ABR: variants seen among roughly 807,000 people sequenced by gnomAD.
ABR encodes the protein ABR activator of RhoGEF and GTPase, also known as active breakpoint cluster region-related protein.
Under a neutral mutation model 107.2 loss-of-function variants are expected in ABR, and 35 were observed. That is an observed-to-expected ratio of 0.33 (90% CI 0.25 to 0.43). ABR has a LOEUF of 0.43. ABR is among the 20% of genes least tolerant of loss of function. The pLI is 1.00. For missense variants in ABR, 815 were observed against 1,115.2 expected (o/e 0.73, Z 3.83); for synonymous variants, 498 against 462.0 (o/e 1.08, Z -1.00).
chr17:1,011,710 C>T lies in ABR; in HGVS notation c.2101+136G>A. The T allele has an allele frequency of 8.9e-7, 1 of 1,123,296 alleles. No homozygotes were observed. The highest frequency in any genetic ancestry group is 1.2e-6 in the Non-Finnish European group (1 of 826,562). 69.6% of individuals were successfully genotyped at this position (1,123,296 alleles called of 1,614,324 possible). A position where few individuals can be genotyped will look rare whatever the true frequency, so the allele number is the denominator to read the frequency against. On this transcript the variant is annotated intron_variant, in intron 19 of 22. Coordinates refer to ENST00000302538, the MANE Select transcript of ABR (RefSeq NM_021962.5). The surrounding 1 kb of genome is among the most constrained non-coding windows in gnomAD (Gnocchi z 4.8). ...GAGGGGAGGGGATTACAAGAGAAAG[C>T]ACTTGCCACGGGGACTCTGAAGCAG...
chr17:1,196,797 C>G (rs2042578405), intron 1 of ABR, among the ~76,000 whole-genome samples: 1 of 151,854 alleles, frequency 6.6e-6, no homozygotes, highest in African/African-American at 2.4e-5. Context: ...CGGGTTCATG[C>G]CATTCTCCTG....
intron 2 of ABR, among the ~76,000 whole-genome samples, chr17:1,119,961 C>G (rs2039274996): frequency 6.6e-6 from 1 of 152,184 alleles, no homozygotes; most frequent in African/African-American, 2.4e-5. Flanking sequence ...CAGGCGTGAT[C>G]CTAGCACCTC....
intron 13 of ABR, 85 bp downstream of exon 13, chr17:1,056,911 CAT>C (rs1231961951): frequency 5.7e-6 from 5 of 870,170 alleles, no homozygotes; most frequent in Non-Finnish European, 9.5e-6. Context: ...TTTACAGCCA[CAT>C]GTCTGTCTGA....
chr17:1,118,009 C>A (rs1386631598), intron 2 of ABR, among the ~76,000 whole-genome samples: 1 of 79,042 alleles, frequency 1.3e-5, no homozygotes, highest in African/African-American at 4.9e-5. Context: ...TATCCCTGAG[C>A]CTGAGTTCTC....
At chr17:1,170,984 G>C (rs1039159769) in intron 1 of ABR, among the ~76,000 whole-genome samples, 1 of 151,890 alleles carries the variant, frequency 6.6e-6, no homozygotes, top group Non-Finnish European at 1.5e-5. Context: ...CTCCCAGAGG[G>C]GTCTCTCTCC....
At chr17:1,226,828 CATGT>C (rs1392802427) in intron 1 of ABR, among the ~76,000 whole-genome samples, 2 of 152,070 alleles carry the variant, frequency 1.3e-5, no homozygotes, top group African/African-American at 2.4e-5. Flanking sequence ...TGTGTGCATG[CATGT>C]ATGTGGCAGT....
chr17:1,189,227 T>C (rs1225948758), upstream of ABR, among the ~76,000 whole-genome samples: 1 of 152,142 alleles, frequency 6.6e-6, no homozygotes, highest in Non-Finnish European at 1.5e-5. Context: ...ACATCAAAGA[T>C]ATGAAGATCA....
intron 3 of ABR, among the ~76,000 whole-genome samples, chr17:1,095,160 G>A (rs1156893491): frequency 2.0e-5 from 3 of 152,226 alleles, no homozygotes; most frequent in Non-Finnish European, 4.4e-5. Flanking sequence ...AGCAGTCCCA[G>A]GAAGGCCAAG....
In ABR at chr17:1,005,963, C is replaced by T. The variant is rs1205985667; in HGVS notation, c.*117G>A. 2 of 957,580 alleles carry T rather than the reference C, an allele frequency of 2.1e-6. No homozygotes were observed. Among genetic ancestry groups the T allele is most frequent in the African/African-American group, 1.6e-5 (1 of 61,354 alleles). 59.3% of individuals were successfully genotyped at this position (957,580 alleles called of 1,614,324 possible). A position where few individuals can be genotyped will look rare whatever the true frequency, so the allele number is the denominator to read the frequency against. ...CATTCCAGTTCTTGGAAGCTGGCTTCCCTCGAGTCTGGAGTGCTGGGTTTG... is the reference window on the plus strand; with the variant it reads ...CATTCCAGTTCTTGGAAGCTGGCTTTCCTCGAGTCTGGAGTGCTGGGTTTG... On this transcript the variant is annotated 3_prime_UTR_variant, in exon 23 of 23. Coordinates refer to ENST00000302538, the MANE Select transcript of ABR (RefSeq NM_021962.5).
At position 1,056,979 on chromosome 17, in the gene ABR, C is replaced by T; in HGVS notation, c.1486+19G>A. ...GGCTGGGACCTGCCGGTTGGGCCAC[C>T]TCTGGTTCCCGAGCTTACCGTCTTT... On this transcript the variant is annotated intron_variant, in intron 13 of 22. Transcript: ENST00000302538. The T allele has an allele frequency of 6.3e-7, 1 of 1,581,040 alleles. No individual in the cohort carries two copies. Among genetic ancestry groups the T allele is most frequent in the Non-Finnish European group, 8.7e-7 (1 of 1,151,702 alleles).
Position 1,014,851 on chromosome 17 carries a change from A to C in ABR, c.1792-1687T>G, listed in dbSNP as rs187195299. Reference sequence around the variant, plus strand: ...ACAGAGTGAGACTCCGTCTCAAAAAAAACAACAACAACAAAAAACTACACA... The same window carrying C: ...ACAGAGTGAGACTCCGTCTCAAAAACAACAACAACAACAAAAAACTACACA... On this transcript the variant is annotated intron_variant, in intron 16 of 22. Coordinates refer to ENST00000302538, the MANE Select transcript of ABR (RefSeq NM_021962.5). 4.4e-3 allele frequency among the ~76,000 whole-genome samples: 675 copies of C among 152,226 alleles called. 2 individuals carry two copies. The highest frequency in any genetic ancestry group is 6.2e-3 in the Admixed American group (95 of 15,302).
In ABR at chr17:1,145,500, C is replaced by T. The variant is rs373347625; in HGVS notation, c.62-20133G>A. Among the ~76,000 whole-genome samples the T allele has an allele frequency of 1.8e-3, 277 of 152,358 alleles. 3 individuals are homozygous for T. The highest frequency in any genetic ancestry group is 6.3e-3 in the African/African-American group (264 of 41,586). ...CCCAGAGCTGCAGAAGGCGGGTGGCCAGGAGGCGATGACCTGGGAGGACCT... is the reference window on the plus strand; with the variant it reads ...CCCAGAGCTGCAGAAGGCGGGTGGCTAGGAGGCGATGACCTGGGAGGACCT... On this transcript the variant is annotated intron_variant, in intron 1 of 22. Coordinates refer to ENST00000302538, the MANE Select transcript of ABR (RefSeq NM_021962.5).
chr17:1,171,325 T>C (rs2041703309), intron 1 of ABR, among the ~76,000 whole-genome samples: 2 of 152,144 alleles, frequency 1.3e-5, no homozygotes, highest in South Asian at 4.1e-4. Flanking sequence ...GAAGCAGCCC[T>C]TCAATCCCAC....
intron 5 of ABR, among the ~76,000 whole-genome samples, chr17:1,080,758 G>T (rs906767424): frequency 6.7e-5 from 10 of 149,736 alleles, no homozygotes; most frequent in African/African-American, 2.4e-4. Flanking sequence ...TGTATATTTT[G>T]GGGGGCGGGG....
Position 1,179,941 on chromosome 17 carries a change from G to A in ABR, c.-214C>T, listed in dbSNP as rs1203317252. ...CCTCCCGAACCCTCCCGGCCCCAGC[G>A]GCCGCGCCGAGCCCAGCTGCGGATC... On this transcript the variant is annotated 5_prime_UTR_variant, in exon 1 of 23. Transcript: ENST00000302538. This position sits in a 1 kb window ranked among gnomAD's most constrained non-coding sequence, Gnocchi z 4.9. The A allele has an allele frequency of 1.0e-5, 4 of 396,096 alleles. No homozygotes were observed. The East Asian group carries it at 1.6e-4, about 16-fold the overall frequency. 24.5% of individuals were successfully genotyped at this position (396,096 alleles called of 1,614,324 possible).
At chr17:1,218,332 T>G (rs1198874890) in intron 1 of ABR, among the ~76,000 whole-genome samples, 8 of 152,238 alleles carry the variant, frequency 5.3e-5, no homozygotes, top group African/African-American at 1.9e-4. Flanking sequence ...GCTCTTAACC[T>G]TACTTGGTAC....
intron 1 of ABR, among the ~76,000 whole-genome samples, chr17:1,204,330 A>G (rs1321310812): frequency 1.3e-5 from 2 of 152,224 alleles, no homozygotes; most frequent in Non-Finnish European, 2.9e-5. Flanking sequence ...CTGTAATCCC[A>G]GCTACTCGGG....
intron 1 of ABR, among the ~76,000 whole-genome samples, chr17:1,194,143 T>C (rs2042498973): frequency 6.6e-6 from 1 of 151,984 alleles, no homozygotes. Flanking sequence ...ACCTGGAGGA[T>C]CTCTGGTGGC....
intron 16 of ABR, among the ~76,000 whole-genome samples, chr17:1,019,755 G>C (rs1177093875): frequency 6.6e-6 from 1 of 152,388 alleles, no homozygotes; most frequent in East Asian, 1.9e-4. Flanking sequence ...TAGCACCGGG[G>C]TGGAGGGGCT....
Sources: allele counts gnomAD v4.1 joint callset (sites outside exome capture counted in the v4.1 genomes callset), GRCh38; gene constraint gnomAD v4.1.1; non-coding constraint Gnocchi (gnomAD v3.1); transcripts MANE v1.5; gene names NCBI Gene and HGNC (gene_info 2026-07-23, HGNC 2026-07-21).